Variants in APCDD1 observed in about 807,000 individuals in gnomAD.
APCDD1 encodes APC down-regulated 1.
A neutral mutation model predicts 38.1 loss-of-function variants in APCDD1; 15 were observed. The ratio of observed to expected loss-of-function variants is 0.39; its 90% CI spans 0.26 to 0.61. APCDD1 has a LOEUF of 0.61. Ranked by LOEUF, APCDD1 falls within the 20% of genes least tolerant of loss-of-function variation. The pLI is 0.49. For missense variants in APCDD1, 647 were observed against 696.2 expected, an observed-to-expected ratio of 0.93 and a Z score of 0.79; for synonymous variants, 261 against 279.7, an observed-to-expected ratio of 0.93 and a Z score of 0.67.
In APCDD1 at chr18:10,454,883, G is replaced by C; in HGVS notation, c.-99G>C. 7.8e-7 allele frequency: 1 copy of C among 1,289,474 alleles called. No individual in the cohort carries two copies. The allele number at this position is 1,289,474 out of a possible 1,614,324, so 79.9% of individuals were successfully genotyped here. A position where few individuals can be genotyped will look rare whatever the true frequency, so the allele number is the denominator to read the frequency against. On this transcript the variant is annotated 5_prime_UTR_variant, in exon 1 of 5. Transcript: ENST00000355285. ...GCCGCCTGAAGCCCCGGCCTGGCCC[G>C]GCCGCACCCGGCCGGAGGCGGAGGG...
Position 10,475,662 on chromosome 18 carries a change from TAA to T in APCDD1, c.774+3614_774+3615del, listed in dbSNP as rs58941388. The stretch of plus-strand genomic sequence containing the variant: ...CACAGTCATCACAGAAAATTTAGAT[TAA>T]AAAAAAAAAAAAGCAAGCAAACACT... On this transcript the variant is annotated intron_variant, in intron 3 of 4. Coordinates refer to ENST00000355285, the MANE Select transcript of APCDD1 (RefSeq NM_153000.5). The surrounding 1 kb of genome is among the most constrained non-coding windows in gnomAD (Gnocchi z 4.0). Among the ~76,000 whole-genome samples, 129 of 139,906 alleles carry T rather than the reference TAA, an allele frequency of 9.2e-4. No individual in the cohort carries two copies. Among genetic ancestry groups the T allele is most frequent in the South Asian group, 5.4e-3 (24 of 4,448 alleles). The allele number at this position is 139,906 out of a possible 152,430, so 91.8% of individuals were successfully genotyped here. A position where few individuals can be genotyped will look rare whatever the true frequency, so the allele number is the denominator to read the frequency against.
chr18:10,458,259 C>A (rs12606657), intron 1 of APCDD1, among the ~76,000 whole-genome samples: 25,448 of 152,130 alleles, frequency 0.17, 2,134 homozygotes, highest in Middle Eastern at 0.26. Flanking sequence ...TTGTAGAATT[C>A]GTTGACTTTT....
Position 10,488,050 on chromosome 18 carries a change from A to G in APCDD1, c.*12A>G, listed in dbSNP as rs1378598453. 6.2e-7 allele frequency: 1 copy of G among 1,612,916 alleles called. No homozygotes were observed. Among genetic ancestry groups the G allele is most frequent in the East Asian group, 2.2e-5 (1 of 44,898 alleles). ...ACATCCGCAGATAGAAGTTTTAGAAAGTTCTATTTTTCCAAACCAGGATTC... is the reference window on the plus strand; with the variant it reads ...ACATCCGCAGATAGAAGTTTTAGAAGGTTCTATTTTTCCAAACCAGGATTC... On this transcript the variant is annotated 3_prime_UTR_variant, in exon 5 of 5. Coordinates refer to ENST00000355285, the MANE Select transcript of APCDD1 (RefSeq NM_153000.5).
chr18:10,462,599 T>TTCCTTCCTTCCTTCCTTCCCTCCC, intron 1 of APCDD1, among the ~76,000 whole-genome samples: 1 of 7,412 alleles, frequency 1.3e-4, no homozygotes, highest in Admixed American at 2.0e-3. Flanking sequence ...CCCTCCTTCC[T>TTCCTTCCTTCCTTCCTTCCCTCCC]TCCTTCCTTC....
In APCDD1 at chr18:10,475,192, C is replaced by T. The variant is rs999474678; in HGVS notation, c.774+3131C>T. Reference sequence around the variant, plus strand: ...CAGAGAGGAATGAAAATGACAATGTCGACTGACCAGGGAACATCAAAGTGT... The same window carrying T: ...CAGAGAGGAATGAAAATGACAATGTTGACTGACCAGGGAACATCAAAGTGT... On this transcript the variant is annotated intron_variant, in intron 3 of 4. Transcript: ENST00000355285. The surrounding 1 kb of genome is among the most constrained non-coding windows in gnomAD (Gnocchi z 4.0). 9.2e-5 allele frequency among the ~76,000 whole-genome samples: 14 copies of T among 152,190 alleles called. No individual in the cohort carries two copies. The highest frequency in any genetic ancestry group is 3.1e-4 in the African/African-American group (13 of 41,458).
rs1598401753 is a variant in APCDD1, at chr18:10,488,144, A to G, written c.*106A>G. 2.2e-6 allele frequency: 3 copies of G among 1,372,860 alleles called. No individual in the cohort carries two copies. In the East Asian group the frequency reaches 7.4e-5, roughly 34 times the overall value. 85.0% of individuals were successfully genotyped at this position (1,372,860 alleles called of 1,614,324 possible). On this transcript the variant is annotated 3_prime_UTR_variant, in exon 5 of 5. Transcript: ENST00000355285. ...TTCTTTTGATGCACTTGAATGCCAG[A>G]GAACTGTCCTTCTTTTTCTCCTCTC...
In APCDD1 at chr18:10,482,461, A is replaced by T. The variant is rs1312084610; in HGVS notation, c.775-3001A>T. Among the ~76,000 whole-genome samples, 4 of 152,328 alleles carry T rather than the reference A, an allele frequency of 2.6e-5. No individual in the cohort carries two copies. The East Asian group carries it at 7.7e-4, about 29-fold the overall frequency. On this transcript the variant is annotated intron_variant, in intron 3 of 4. Coordinates refer to ENST00000355285, the MANE Select transcript of APCDD1 (RefSeq NM_153000.5). ...AGGAGTGCGCAGCTCCTCCTGGCTG[A>T]CGGGAAGATCTGACTCCGCGCTTCT... is the stretch of plus-strand genomic sequence containing the variant.
chr18:10,479,868 A>T (rs1048155214), intron 3 of APCDD1, among the ~76,000 whole-genome samples: 1 of 152,144 alleles, frequency 6.6e-6, no homozygotes, highest in Non-Finnish European at 1.5e-5. Context: ...AGTAGGCAGA[A>T]CCCCACTCTT....
At position 10,475,507 on chromosome 18, in the gene APCDD1, T is replaced by G. The variant is rs947059148; in HGVS notation, c.774+3446T>G. ...AGAAGAGGGACTCTTTGCAAAGGAA[T>G]CAGATATTTATGGAGGAAATTAATG... is the stretch of plus-strand genomic sequence containing the variant. On this transcript the variant is annotated intron_variant, in intron 3 of 4. Coordinates refer to ENST00000355285, the MANE Select transcript of APCDD1 (RefSeq NM_153000.5). The surrounding 1 kb of genome is among the most constrained non-coding windows in gnomAD (Gnocchi z 4.0). Among the ~76,000 whole-genome samples the G allele has an allele frequency of 6.6e-6, 1 of 152,174 alleles. No homozygotes were observed. Among genetic ancestry groups the G allele is most frequent in the East Asian group, 1.9e-4 (1 of 5,178 alleles).
intron 1 of APCDD1, among the ~76,000 whole-genome samples, chr18:10,456,784 G>A (rs8097165): frequency 0.036 from 5,524 of 152,252 alleles, 308 homozygotes; most frequent in African/African-American, 0.12. Context: ...TCCTGAGTTT[G>A]AGAATTTGAG....
intron 3 of APCDD1, among the ~76,000 whole-genome samples, chr18:10,481,256 G>A (rs1329361797): frequency 6.6e-6 from 1 of 152,236 alleles, no homozygotes; most frequent in East Asian, 1.9e-4. Context: ...GGTCCTAGCA[G>A]CATCAATCAC....
At chr18:10,465,196 G>A (rs145147273) in intron 1 of APCDD1, among the ~76,000 whole-genome samples, 1 of 152,274 alleles carries the variant, frequency 6.6e-6, no homozygotes, top group Non-Finnish European at 1.5e-5. Flanking sequence ...CTCACAATCA[G>A]TGGGGGCCCC....
chr18:10,474,308 T>G (rs903144191), intron 3 of APCDD1: 2 of 152,236 alleles, frequency 1.3e-5, no homozygotes, highest in African/African-American at 4.8e-5. Flanking sequence ...TCCAGAAACC[T>G]GGGGTTAGCC....
chr18:10,455,676 CT>C (rs1416643708), intron 1 of APCDD1, among the ~76,000 whole-genome samples: 1 of 152,204 alleles, frequency 6.6e-6, no homozygotes, highest in East Asian at 1.9e-4. Flanking sequence ...TATTACCAGT[CT>C]CCCAATGTGC....
At chr18:10,486,391 T>C (rs2031250920) in intron 4 of APCDD1, among the ~76,000 whole-genome samples, 1 of 152,200 alleles carries the variant, frequency 6.6e-6, no homozygotes, top group African/African-American at 2.4e-5. Flanking sequence ...CTGCACTTTG[T>C]GTTCTTTATA....
chr18:10,483,541 A>G (rs1176413028), intron 3 of APCDD1, among the ~76,000 whole-genome samples: 1 of 152,236 alleles, frequency 6.6e-6, no homozygotes, highest in Non-Finnish European at 1.5e-5. Flanking sequence ...GGAAGCCCAC[A>G]GCTCTTCCTG....
chr18:10,467,922 C>T lies in APCDD1; in HGVS notation c.59-547C>T, dbSNP rs1321056681. ...CCCAGCTGGGAATCTTCCTAGTCTC[C>T]TGGGCCTTCTCCTTCCATCACTGCC... On this transcript the variant is annotated intron_variant, in intron 1 of 4. Transcript: ENST00000355285. The surrounding 1 kb of genome is among the most constrained non-coding windows in gnomAD (Gnocchi z 4.8). 2.6e-5 allele frequency among the ~76,000 whole-genome samples: 4 copies of T among 152,224 alleles called. No individual in the cohort carries two copies. In the East Asian group the frequency reaches 5.8e-4, roughly 22 times the overall value.
chr18:10,488,444 TCTTC>T lies in APCDD1; in HGVS notation c.*410_*413del. On this transcript the variant is annotated 3_prime_UTR_variant, in exon 5 of 5. Coordinates refer to ENST00000355285, the MANE Select transcript of APCDD1 (RefSeq NM_153000.5). Reference sequence around the variant, plus strand: ...GCCATTTTCCTGTGGTTGCAGCCTGTCTTCCTTTGAAATTGTTTTACTCTCTGAG... The same window carrying T: ...GCCATTTTCCTGTGGTTGCAGCCTGTCTTTGAAATTGTTTTACTCTCTGAG... 1 of 191,942 alleles carries T rather than the reference TCTTC, an allele frequency of 5.2e-6. No individual in the cohort carries two copies. 11.9% of individuals were successfully genotyped at this position (191,942 alleles called of 1,614,324 possible).
In APCDD1 at chr18:10,485,638, C is replaced by T. The variant is rs1568008406; in HGVS notation, c.951C>T (p.Asp317=). 6.2e-7 allele frequency: 1 copy of T among 1,613,948 alleles called. No homozygotes were observed. The highest frequency in any genetic ancestry group is 8.5e-7 in the Non-Finnish European group (1 of 1,179,954). ...LFLTRHFIFH[D]NNNTWEGHYY... ...TCACCCGCCACTTCATCTTCCATGA[C>T]AACAACAACACCTGGGAGGGCCACT... is the stretch of plus-strand genomic sequence containing the variant. Residue 317 remains aspartate (D), a synonymous_variant, in exon 4 of 5, where the codon GAC becomes GAT. Coordinates refer to ENST00000355285, the MANE Select transcript of APCDD1 (RefSeq NM_153000.5). The surrounding 1 kb of genome is among the most constrained non-coding windows in gnomAD (Gnocchi z 5.8).
Sources: allele counts gnomAD v4.1 joint callset (sites outside exome capture counted in the v4.1 genomes callset), GRCh38; gene constraint gnomAD v4.1.1; non-coding constraint Gnocchi (gnomAD v3.1); transcripts MANE v1.5; gene names NCBI Gene and HGNC (gene_info 2026-07-23, HGNC 2026-07-21).